DNAH3: variants seen among roughly 807,000 people sequenced by gnomAD.
DNAH3 encodes the protein axonemal beta dynein heavy chain 3.
DNAH3 carries 332 observed loss-of-function variants against 432.5 expected under a neutral mutation model. That is an observed-to-expected ratio of 0.77 (90% confidence interval 0.70 to 0.84). DNAH3 has a LOEUF of 0.84. DNAH3 is among the 40% of genes least tolerant of loss of function. DNAH3 has a pLI of 0.00. For synonymous variants in DNAH3, 1,956 were observed against 1,900.2 expected (o/e 1.03, Z -0.76); for missense variants, 4,861 against 5,114.0 (o/e 0.95, Z 1.51).
chr16:21,075,597 G>A, intron 20 of DNAH3, 36 bp from the exon 21 acceptor site: 11 of 1,508,618 alleles, frequency 7.3e-6, no homozygotes, highest in Non-Finnish European at 1.0e-5. Context: ...ACATCAACAG[G>A]AGGCAGAGAA....
intron 60 of DNAH3, among the ~76,000 whole-genome samples, 160 bp downstream of exon 60, chr16:20,936,489 C>G (rs1167430028): frequency 1.3e-5 from 2 of 152,140 alleles, no homozygotes; most frequent in Admixed American, 6.5e-5. Context: ...TCAAGTCTCC[C>G]TCCTGCTTCT....
exon 59 of DNAH3, chr16:20,941,528 ACTC>A: frequency 1.2e-6 from 2 of 1,614,124 alleles, no homozygotes; most frequent in South Asian, 2.2e-5. Flanking sequence ...TCTTGTGCCA[ACTC>A]CTCAACCACT....
chr16:21,007,085 C>A (rs2152697344), intron 41 of DNAH3, among the ~76,000 whole-genome samples: 1 of 152,182 alleles, frequency 6.6e-6, no homozygotes, highest in African/African-American at 2.4e-5. Context: ...TGTTGTTTTT[C>A]ATCTTTTTAA....
At chr16:20,995,348 T>TTCTGCCTC in intron 44 of DNAH3, among the ~76,000 whole-genome samples, 1 of 150,306 alleles carries the variant, frequency 6.7e-6, no homozygotes, top group East Asian at 1.9e-4. Context: ...ATTCTTGTGC[T>TTCTGCCTC]TCTGCCTCCC....
At chr16:21,134,423 T>C in exon 7 of DNAH3, 1 of 1,614,124 alleles carries the variant, frequency 6.2e-7, no homozygotes, top group South Asian at 1.1e-5. Context: ...AGAGCCGTTT[T>C]CTCTCCATTG....
chr16:21,137,465 C>T (rs1230645756), intron 5 of DNAH3, among the ~76,000 whole-genome samples: 1 of 149,310 alleles, frequency 6.7e-6, no homozygotes, highest in Non-Finnish European at 1.5e-5. Flanking sequence ...TTTTGTCGCT[C>T]AGGCTGGAGT....
At chr16:21,152,097 G>A (rs2092858714) in intron 1 of DNAH3, among the ~76,000 whole-genome samples, 1 of 152,084 alleles carries the variant, frequency 6.6e-6, no homozygotes, top group South Asian at 2.1e-4. Flanking sequence ...AGCCGGGCAT[G>A]GTGGTAGTCG....
chr16:21,094,975 T>C (rs1410186720), intron 18 of DNAH3, among the ~76,000 whole-genome samples: 2 of 152,150 alleles, frequency 1.3e-5, no homozygotes, highest in African/African-American at 4.8e-5. Context: ...GGCCTCCCCA[T>C]CCAAGTGGAA....
chr16:21,060,988 C>T (rs558215528), intron 25 of DNAH3, among the ~76,000 whole-genome samples: 6 of 151,848 alleles, frequency 4.0e-5, no homozygotes, highest in Admixed American at 2.0e-4. Context: ...CAGGCACATG[C>T]CACCATGCCC....
chr16:20,987,609 G>C, intron 46 of DNAH3, 84 bp downstream of exon 46: 2 of 1,564,000 alleles, frequency 1.3e-6, no homozygotes, highest in Non-Finnish European at 8.7e-7. Context: ...CCTAATAAAA[G>C]TTAGCTATTA....
Position 21,033,424 on chromosome 16 carries a change from A to G in DNAH3, c.5197+550T>C, listed in dbSNP as rs373539034. Among the ~76,000 whole-genome samples the G allele has an allele frequency of 9.8e-5, 15 of 152,332 alleles. No homozygotes were observed. In the South Asian group the frequency reaches 2.5e-3, roughly 25 times the overall value. ...GCACTGTGCTCAGTTATTTACCTGC[A>G]TGCTGTTACTTAATTCTCATAACAA... is the stretch of plus-strand genomic sequence containing the variant. On this transcript the variant is annotated intron_variant, in intron 36 of 61. Transcript: ENST00000261383.
At chr16:20,973,709 A>G (rs891118628) in intron 51 of DNAH3, among the ~76,000 whole-genome samples, 4 of 152,212 alleles carry the variant, frequency 2.6e-5, no homozygotes, top group Non-Finnish European at 5.9e-5. Context: ...TACCAGGACT[A>G]TTTCCTCTCT....
chr16:20,999,156 G>A (rs1358623409), intron 43 of DNAH3, among the ~76,000 whole-genome samples: 1 of 151,974 alleles, frequency 6.6e-6, no homozygotes, highest in Admixed American at 6.6e-5. Flanking sequence ...TTGGGAGGCT[G>A]AGGTAGTAGG....
intron 19 of DNAH3, 105 bp from the exon 20 acceptor site, chr16:21,081,832 T>A: frequency 1.2e-6 from 1 of 825,030 alleles, no homozygotes; most frequent in Non-Finnish European, 1.9e-6. Context: ...CTGCTCAGCA[T>A]AACAGCCACG....
At chr16:21,062,921 C>T (rs541333799) in intron 24 of DNAH3, 1 of 479,934 alleles carries the variant, frequency 2.1e-6, no homozygotes, top group African/African-American at 2.0e-5. Context: ...CTCCTGGGCT[C>T]AAGCAATCCT....
intron 7 of DNAH3, among the ~76,000 whole-genome samples, chr16:21,132,509 T>C (rs1332713142): frequency 1.3e-5 from 2 of 152,164 alleles, no homozygotes; most frequent in African/African-American, 4.8e-5. Flanking sequence ...AATTGATGCA[T>C]AGATAAAACA....
chr16:21,136,654 C>T (rs550232568), intron 5 of DNAH3, 141 bp from the exon 7 acceptor site: 34 of 763,934 alleles, frequency 4.5e-5, no homozygotes, highest in Non-Finnish European at 7.0e-5. Flanking sequence ...CATTCTGGGC[C>T]TGTCGCTTCA....
intron 11 of DNAH3, among the ~76,000 whole-genome samples, chr16:21,118,539 C>T (rs2152809695): frequency 6.6e-6 from 1 of 152,230 alleles, no homozygotes; most frequent in East Asian, 1.9e-4. Flanking sequence ...CTCAAGCAGT[C>T]TTCCTACCTC....
intron 22 of DNAH3, 36 bp downstream of exon 22, chr16:21,070,674 A>C: frequency 7.1e-7 from 1 of 1,406,644 alleles, no homozygotes; most frequent in Non-Finnish European, 1.0e-6. Flanking sequence ...AGAGCTAACG[A>C]AACACCTCAA....
Sources: gnomAD v4.1 joint callset for allele counts (sites outside exome capture counted in the v4.1 genomes callset) on GRCh38, gnomAD v4.1.1 for gene constraint, MANE v1.5 for transcripts, NCBI Gene and HGNC (gene_info 2026-07-23, HGNC 2026-07-21) for gene names.